The following ADGRG1 variants were observed in gnomAD, a reference collection of about 807,000 sequenced individuals.
ADGRG1 encodes 7-transmembrane protein with no EGF-like N-terminal domains-1.
ADGRG1 carries 53 observed loss-of-function variants against 73.5 expected under a neutral mutation model. The observed-to-expected ratio is 0.72, with a 90% CI of 0.58 to 0.91. ADGRG1 has a LOEUF of 0.91. Ranked by LOEUF, ADGRG1 falls within the 40% of genes least tolerant of loss-of-function variation. ADGRG1 has a pLI of 0.00. For synonymous variants in ADGRG1, 394 were observed against 374.4 expected (o/e 1.05, Z -0.60); for missense variants, 795 against 871.8 (o/e 0.91, Z 1.11).
intron 1 of ADGRG1, chr16:57,630,516 C>T (rs1340286365): frequency 1.7e-5 from 17 of 985,488 alleles, no homozygotes; most frequent in Admixed American, 1.2e-4. Flanking sequence ...CTCCCGTAGG[C>T]CTGGGGCTTG....
At chr16:57,655,801 G>A in intron 6 of ADGRG1, 75 bp from the exon 7 acceptor site, 1 of 1,613,612 alleles carries the variant, frequency 6.2e-7, no homozygotes, top group African/African-American at 1.3e-5. Context: ...TCTAGAGAGG[G>A]TAAGGGGCTT....
At chr16:57,652,133 G>T in intron 3 of ADGRG1, 1 of 1,036,492 alleles carries the variant, frequency 9.6e-7, no homozygotes, top group Non-Finnish European at 1.2e-6. Flanking sequence ...GAGTGGGGTA[G>T]GGGTGAGGGG....
In ADGRG1 at chr16:57,657,370, C is replaced by T; in HGVS notation, c.1168-3C>T. On this transcript the variant is annotated splice_polypyrimidine_tract_variant and splice_region_variant and intron_variant, in intron 9 of 13. Transcript: ENST00000562631. ...CCAGCTCTCTCCTGTCTCCTGGGGC[C>T]AGGTCTCCTCGGTGGAGGTGGACGC... 6.2e-7 allele frequency: 1 copy of T among 1,614,044 alleles called. No individual in the cohort carries two copies. The highest frequency in any genetic ancestry group is 8.5e-7 in the Non-Finnish European group (1 of 1,179,910).
Position 57,663,447 on chromosome 16 carries a change from C to T in ADGRG1, c.1934-5C>T, listed in dbSNP as rs199681650. ...CTGCTGACCCCGTGCCCTCACTGCC[C>T]GCAGGCTTCCTCATCTTCATCTGGT... On this transcript the variant is annotated splice_polypyrimidine_tract_variant and splice_region_variant and intron_variant, in intron 13 of 13. Transcript: ENST00000562631. 9.9e-6 allele frequency: 16 copies of T among 1,613,880 alleles called. No individual in the cohort carries two copies. Among genetic ancestry groups the T allele is most frequent in the South Asian group, 3.3e-5 (3 of 91,074 alleles).
chr16:57,628,927 A>AGCGTGAGAGT (rs1555531034), intron 1 of ADGRG1, 125 bp downstream of exon 1: 2 of 689,644 alleles, frequency 2.9e-6, no homozygotes, highest in Non-Finnish European at 3.4e-6. Context: ...AGTGAGTGTG[A>AGCGTGAGAGT]GTGTGAGTGT....
intron 4 of ADGRG1, 174 bp downstream of exon 4, chr16:57,653,509 C>A: frequency 1.0e-6 from 1 of 985,378 alleles, no homozygotes; most frequent in Non-Finnish European, 1.2e-6. Context: ...AGGCTGAGCC[C>A]TCTCCTGTCT....
chr16:57,622,523 G>A (rs557113046), intron 2 of ADGRG1, among the ~76,000 whole-genome samples: 23 of 152,264 alleles, frequency 1.5e-4, no homozygotes, highest in Non-Finnish European at 2.4e-4. Flanking sequence ...GAGTCTCACC[G>A]AAGAACCCAG....
At position 57,665,303 on chromosome 16, in the gene ADGRG1, G is replaced by A. The variant is rs1379359564; in HGVS notation, c.*1721G>A. 1 of 152,272 alleles carries A rather than the reference G, an allele frequency of 6.6e-6. No individual in the cohort carries two copies. The highest frequency in any genetic ancestry group is 1.5e-5 in the Non-Finnish European group (1 of 68,070). The allele number at this position is 152,272 out of a possible 1,614,324, so 9.4% of individuals were successfully genotyped here. ...GGAGACTCCCAACCCCATGCTGAGA[G>A]CGTGGCTGCTCATCAGCTCCAGCTG... On this transcript the variant is annotated 3_prime_UTR_variant, in exon 14 of 14. Coordinates refer to ENST00000562631, the MANE Select transcript of ADGRG1 (RefSeq NM_201525.4).
chr16:57,653,954 C>G lies in ADGRG1; in HGVS notation c.621-32C>G, dbSNP rs770760138. 3.7e-6 allele frequency: 6 copies of G among 1,613,332 alleles called. No individual in the cohort carries two copies. In the Admixed American group the frequency reaches 1.0e-4, roughly 27 times the overall value. On this transcript the variant is annotated intron_variant, in intron 4 of 13. Transcript: ENST00000562631. ...CTCCCTGGTGGCCCGGCCCCCTCCC[C>G]ACCATCACCACCGCTTTCTCCTCCC...
rs746709776 is a variant in ADGRG1, at chr16:57,655,896, C to A, written c.921C>A (p.Val307=). The change falls in exon 7 of 14, where the codon GTC becomes GTA. Residue 307 remains valine (V), a synonymous_variant. Coordinates refer to ENST00000562631, the MANE Select transcript of ADGRG1 (RefSeq NM_201525.4). ...TCTAGGACAAGAATTCCAGCCAAGT[C>A]CTGGGTGAGAAGGTCTTGGGGATTG... is the stretch of plus-strand genomic sequence containing the variant. ...ALFQDKNSSQ[V]LGEKVLGIVV... The A allele has an allele frequency of 6.2e-7, 1 of 1,614,176 alleles. No homozygotes were observed. The highest frequency in any genetic ancestry group is 2.2e-5 in the East Asian group (1 of 44,880).
At chr16:57,634,458 G>A (rs1337673141) in intron 1 of ADGRG1, 1 of 985,326 alleles carries the variant, frequency 1.0e-6, no homozygotes, top group Non-Finnish European at 1.2e-6. Context: ...CCGCCCCTGG[G>A]GCATACACTT....
chr16:57,653,012 C>T, intron 3 of ADGRG1, 191 bp from the exon 4 acceptor site: 10 of 1,450,460 alleles, frequency 6.9e-6, no homozygotes, highest in Non-Finnish European at 9.1e-6. Flanking sequence ...CTGTAAGACA[C>T]AACCCCCACG....
At chr16:57,629,941 T>C (rs2037281214) in intron 1 of ADGRG1, 1 of 926,584 alleles carries the variant, frequency 1.1e-6, no homozygotes, top group African/African-American at 1.8e-5. Context: ...GAGGAGGGGA[T>C]GGGTCAAGGC....
chr16:57,627,741 G>T, upstream of ADGRG1: 1 of 770,820 alleles, frequency 1.3e-6, no homozygotes, highest in Non-Finnish European at 1.6e-6. Flanking sequence ...CGGAGGAGGA[G>T]GGCAGACAGG....
intron 12 of ADGRG1, chr16:57,661,442 A>G (rs2047072149): frequency 1.0e-6 from 1 of 985,004 alleles, no homozygotes; most frequent in Non-Finnish European, 1.2e-6. Flanking sequence ...TGAAATTTTC[A>G]GCTCTTTATG....
chr16:57,621,941 C>G, intron 2 of ADGRG1: 1 of 869,600 alleles, frequency 1.1e-6, no homozygotes, highest in South Asian at 5.3e-5. Context: ...CTGCTGCCCT[C>G]TCCACTGGGG....
upstream of ADGRG1, among the ~76,000 whole-genome samples, chr16:57,624,440 G>A (rs2035449422): frequency 6.6e-6 from 1 of 152,198 alleles, no homozygotes; most frequent in African/African-American, 2.4e-5. Flanking sequence ...GATTGAGGCT[G>A]TAGAGAGCTA....
intron 11 of ADGRG1, chr16:57,660,417 C>T (rs2046801061): frequency 1.0e-6 from 1 of 979,754 alleles, no homozygotes; most frequent in Non-Finnish European, 1.2e-6. Flanking sequence ...GTGCAGACGT[C>T]CCCTGATGGC....
chr16:57,653,545 C>T (rs900538783), intron 4 of ADGRG1: 4 of 985,398 alleles, frequency 4.1e-6, no homozygotes, highest in East Asian at 2.3e-4. Flanking sequence ...ATCACATCCA[C>T]CATCCCAAGC....
Sources: allele counts gnomAD v4.1 joint callset (sites outside exome capture counted in the v4.1 genomes callset), GRCh38; gene constraint gnomAD v4.1.1; transcripts MANE v1.5; gene names NCBI Gene and HGNC (gene_info 2026-07-23, HGNC 2026-07-21).